Variants in SMAP2 observed in about 807,000 individuals in gnomAD.
The protein encoded by SMAP2 is stromal membrane-associated protein 2.
A neutral mutation model predicts 56.4 loss-of-function variants in SMAP2; 25 were observed. The ratio of observed to expected loss-of-function variants is 0.44; its 90% CI spans 0.32 to 0.62. SMAP2 has a LOEUF of 0.62. Among genes scored for constraint, SMAP2 ranks in the 20% least tolerant of loss-of-function variants. The probability of loss-of-function intolerance (pLI) is 0.04; values close to 1 mark genes in which losing one functional copy is unlikely to be tolerated. For synonymous variants in SMAP2, 157 were observed against 181.7 expected, an observed-to-expected ratio of 0.86 and a Z score of 1.09; for missense variants, 388 against 545.6, an observed-to-expected ratio of 0.71 and a Z score of 2.88.
rs1300410611 is a variant in SMAP2 at position 40,385,286 on chromosome 1, AT to A, written c.103+11067del. ...TTAATGTTAAGTGATTCTCTGACAA[AT>A]TTTGTTGACCATAGCCCTCTTTTCC... On this transcript the variant is annotated intron_variant, in intron 1 of 9. Coordinates refer to ENST00000372718, the MANE Select transcript of SMAP2 (RefSeq NM_022733.3). This position sits in a 1 kb window ranked among gnomAD's most constrained non-coding sequence, Gnocchi z 4.5. Among the ~76,000 whole-genome samples the A allele has an allele frequency of 7.2e-5, 11 of 152,040 alleles. No homozygotes were observed. Among genetic ancestry groups the A allele is most frequent in the African/African-American group, 2.7e-4 (11 of 41,388 alleles).
rs1380601948 is a variant in SMAP2, at chr1:40,374,961, A to G, written c.103+738A>G. The stretch of plus-strand genomic sequence containing the variant: ...AGTGCAGGATCCGTTTAATCAGTGG[A>G]GAGAGAAAGATGAATTCGATGAATT... On this transcript the variant is annotated intron_variant, in intron 1 of 9. Transcript: ENST00000372718. This position sits in a 1 kb window ranked among gnomAD's most constrained non-coding sequence, Gnocchi z 5.9. The G allele has an allele frequency of 2.6e-5, 26 of 985,246 alleles. No individual in the cohort carries two copies. The highest frequency in any genetic ancestry group is 3.1e-5 in the Non-Finnish European group (26 of 829,896). The allele number at this position is 985,246 out of a possible 1,614,324, so 61.0% of individuals were successfully genotyped here. A position where few individuals can be genotyped will look rare whatever the true frequency, so the allele number is the denominator to read the frequency against.
At chr1:40,407,028 C>G (rs2124340150) in intron 2 of SMAP2, among the ~76,000 whole-genome samples, 159 bp downstream of exon 2, 1 of 152,216 alleles carries the variant, frequency 6.6e-6, no homozygotes, top group East Asian at 1.9e-4. Flanking sequence ...AATTTTTATT[C>G]TTTCTATTTA....
rs143325512 is a variant in SMAP2, at chr1:40,351,166, T to A, written c.-83+6256T>A. Among the ~76,000 whole-genome samples the A allele has an allele frequency of 1.3e-4, 20 of 152,292 alleles. No individual in the cohort carries two copies. The East Asian group carries it at 3.7e-3, about 28-fold the overall frequency. On this transcript the variant is annotated intron_variant, in intron 1 of 6. Transcript: ENST00000435168. ...TTGATGGGGAGCTGGTGGGTCTCTCTTCACAGATGTCCTACTCCCTCCTTT... is the reference window on the plus strand; with the variant it reads ...TTGATGGGGAGCTGGTGGGTCTCTCATCACAGATGTCCTACTCCCTCCTTT...
Position 40,416,834 on chromosome 1 carries a change from C to A in SMAP2, c.902C>A (p.Pro301His), listed in dbSNP as rs1328118145. ...MAYPTAYPSF[P>H]GVTPPNSIMG... Reference sequence around the variant, plus strand: ...TATCCCACAGCCTACCCCAGCTTCCCCGGGGTTACACCTCCTAACAGCATA... The same window carrying A: ...TATCCCACAGCCTACCCCAGCTTCCACGGGGTTACACCTCCTAACAGCATA... The change falls in exon 9 of 10, where the codon CCC (proline) becomes CAC (histidine). Residue 301 changes from proline to histidine, a missense_variant. Pro to His is a moderately conservative substitution (Grantham distance 77). Transcript: ENST00000372718. The A allele has an allele frequency of 6.2e-7, 1 of 1,612,192 alleles. No homozygotes were observed. Among genetic ancestry groups the A allele is most frequent in the African/African-American group, 1.3e-5 (1 of 74,906 alleles).
At chr1:40,362,243 C>G (rs545513246) in intron 1 of SMAP2, 1 of 152,378 alleles carries the variant, frequency 6.6e-6, no homozygotes, top group Admixed American at 6.5e-5. Flanking sequence ...CGACTTCTCT[C>G]TCCTCTTGCC....
chr1:40,403,340 T>C (rs1338443556), intron 1 of SMAP2, among the ~76,000 whole-genome samples: 1 of 152,182 alleles, frequency 6.6e-6, no homozygotes, highest in Admixed American at 6.5e-5. Context: ...ACCCCGTCTC[T>C]ACTAAAATAC....
chr1:40,418,586 A>G (rs1305954914), intron 9 of SMAP2, among the ~76,000 whole-genome samples: 3 of 152,212 alleles, frequency 2.0e-5, no homozygotes, highest in Non-Finnish European at 4.4e-5. Flanking sequence ...TTTAAAACAT[A>G]TCCCAGCAAA....
rs76166711 is a variant in SMAP2, at chr1:40,378,453, A to G, written c.103+4230A>G. On this transcript the variant is annotated intron_variant, in intron 1 of 9. Coordinates refer to ENST00000372718, the MANE Select transcript of SMAP2 (RefSeq NM_022733.3). ...TTTGTGAGAAATTGAGGGCTGTTTG[A>G]TGGGCAAAGATTTATTTATTTATTT... is the stretch of plus-strand genomic sequence containing the variant. Among the ~76,000 whole-genome samples, 222 of 152,228 alleles carry G rather than the reference A, an allele frequency of 1.5e-3. 1 individual carries two copies. The East Asian group carries it at 0.023, about 15-fold the overall frequency.
intron 2 of SMAP2, among the ~76,000 whole-genome samples, chr1:40,364,053 C>G (rs1488867483): frequency 6.6e-6 from 1 of 152,138 alleles, no homozygotes; most frequent in Non-Finnish European, 1.5e-5. Context: ...TGAGTGTTAT[C>G]TGGTATAGGT....
chr1:40,357,671 A>G (rs543555895), intron 1 of SMAP2, among the ~76,000 whole-genome samples: 8 of 152,254 alleles, frequency 5.3e-5, no homozygotes, highest in African/African-American at 1.9e-4. Flanking sequence ...AGCACCATTT[A>G]TTGAAGAGAC....
chr1:40,355,152 T>G (rs988887695), intron 1 of SMAP2, among the ~76,000 whole-genome samples: 6 of 152,072 alleles, frequency 3.9e-5, no homozygotes, highest in Admixed American at 1.3e-4. Context: ...ATAATTGTGG[T>G]TTTTGCCATT....
At chr1:40,384,841 C>G (rs1222141159) in intron 1 of SMAP2, among the ~76,000 whole-genome samples, 1 of 152,158 alleles carries the variant, frequency 6.6e-6, no homozygotes, top group Admixed American at 6.5e-5. Context: ...AGTACCAGTT[C>G]TTTTCAGCTG....
At chr1:40,409,282 CT>C (rs539721929) in intron 3 of SMAP2, among the ~76,000 whole-genome samples, 29 of 147,896 alleles carry the variant, frequency 2.0e-4, no homozygotes, top group African/African-American at 5.4e-4. Context: ...TGTTAAGGTT[CT>C]TTTTTTTTTA....
chr1:40,418,087 C>G lies in SMAP2; in HGVS notation c.1164+991C>G, dbSNP rs149414252. Among the ~76,000 whole-genome samples the G allele has an allele frequency of 3.5e-4, 54 of 152,324 alleles. No individual in the cohort carries two copies. In the Middle Eastern group the frequency reaches 0.01, roughly 29 times the overall value. ...AAGCAGAAGAAAATTGTTACACAATCTACCAATCTGAATTAAATGTCCTTA... is the reference window on the plus strand; with the variant it reads ...AAGCAGAAGAAAATTGTTACACAATGTACCAATCTGAATTAAATGTCCTTA... On this transcript the variant is annotated intron_variant, in intron 9 of 9. Transcript: ENST00000372718.
intron 2 of SMAP2, among the ~76,000 whole-genome samples, chr1:40,363,399 G>A (rs1174567966): frequency 1.3e-5 from 2 of 152,146 alleles, no homozygotes; most frequent in African/African-American, 4.8e-5. Context: ...GTAGGGACCA[G>A]TGTGGGCAGA....
chr1:40,420,892 G>T (rs745959383), intron 9 of SMAP2, among the ~76,000 whole-genome samples: 22 of 152,202 alleles, frequency 1.4e-4, no homozygotes, highest in Non-Finnish European at 1.2e-4. Flanking sequence ...AGACTACAGA[G>T]ATCTGAAAAT....
chr1:40,421,574 T>C (rs1265646198), intron 9 of SMAP2, among the ~76,000 whole-genome samples: 1 of 152,204 alleles, frequency 6.6e-6, no homozygotes, highest in African/African-American at 2.4e-5. Flanking sequence ...GTAATAGCTG[T>C]GCTGAAGATG....
intron 5 of SMAP2, chr1:40,413,891 T>C (rs752659256): frequency 1.8e-5 from 7 of 379,378 alleles, no homozygotes; most frequent in Non-Finnish European, 3.4e-5. Context: ...CCCTGTTCTG[T>C]GGTTGTCTTG....
In SMAP2 at chr1:40,414,154, C is replaced by T; in HGVS notation, c.490-5C>T. ...ATTTCTTGCTATAACATATTTTCAC[C>T]TTAGCCACAGAAAAAAGAAGACCCA... On this transcript the variant is annotated splice_polypyrimidine_tract_variant and splice_region_variant and intron_variant, in intron 5 of 9. Transcript: ENST00000372718. 5 of 1,613,798 alleles carry T rather than the reference C, an allele frequency of 3.1e-6. No individual in the cohort carries two copies. The highest frequency in any genetic ancestry group is 4.2e-6 in the Non-Finnish European group (5 of 1,179,732).
Sources: allele counts gnomAD v4.1 joint callset (sites outside exome capture counted in the v4.1 genomes callset), GRCh38; gene constraint gnomAD v4.1.1; non-coding constraint Gnocchi (gnomAD v3.1); transcripts MANE v1.5; gene names NCBI Gene and HGNC (gene_info 2026-07-23, HGNC 2026-07-21).